Variants in ADD1 observed in about 807,000 individuals in gnomAD.
ADD1 encodes alpha-adducin.
A neutral mutation model predicts 80.5 loss-of-function variants in ADD1; 24 were observed. That is an observed-to-expected ratio of 0.30 (90% CI 0.22 to 0.42). The LOEUF is 0.42. ADD1 is among the 10% of genes least tolerant of loss of function. ADD1 has a pLI of 1.00. For synonymous variants in ADD1, 373 were observed against 393.8 expected, an observed-to-expected ratio of 0.95 and a Z score of 0.63; for missense variants, 948 against 1,019.0, an observed-to-expected ratio of 0.93 and a Z score of 0.95.
chr4:2,887,693 A>C (rs890651812), intron 4 of ADD1: 5 of 152,208 alleles, frequency 3.3e-5, no homozygotes, highest in African/African-American at 1.2e-4. Context: ...CCTGTGCTTC[A>C]GGGACGTGAT....
intron 1 of ADD1, among the ~76,000 whole-genome samples, chr4:2,875,095 G>A (rs986283264): frequency 2.0e-5 from 3 of 152,058 alleles, no homozygotes; most frequent in East Asian, 3.9e-4. Flanking sequence ...CGGGCATGGC[G>A]GTGCACGCTG....
intron 1 of ADD1, among the ~76,000 whole-genome samples, chr4:2,864,331 T>C (rs569375783): frequency 5.3e-5 from 8 of 152,286 alleles, no homozygotes; most frequent in African/African-American, 1.7e-4. Flanking sequence ...GAGAATTGCT[T>C]GAACCCGGGA....
chr4:2,891,590 AT>A (rs1370182950), intron 4 of ADD1, among the ~76,000 whole-genome samples: 1 of 152,170 alleles, frequency 6.6e-6, no homozygotes, highest in Non-Finnish European at 1.5e-5. Context: ...CCTAGCAATG[AT>A]TTAGTGTTGC....
At chr4:2,879,768 G>A (rs1036431841) in intron 2 of ADD1, among the ~76,000 whole-genome samples, 3 of 152,078 alleles carry the variant, frequency 2.0e-5, no homozygotes, top group South Asian at 2.1e-4. Context: ...GATTACAAGC[G>A]TGCACCACCA....
intron 13 of ADD1, among the ~76,000 whole-genome samples, chr4:2,910,333 T>C (rs1737820240): frequency 6.6e-6 from 1 of 152,012 alleles, no homozygotes; most frequent in Non-Finnish European, 1.5e-5. Flanking sequence ...TAGAAGCAGG[T>C]TTATAGCAAA....
chr4:2,894,603 G>T lies in ADD1; in HGVS notation c.613G>T (p.Asp205Tyr), dbSNP rs768557233. The T allele has an allele frequency of 1.9e-5, 30 of 1,608,586 alleles. No homozygotes were observed. The Admixed American group carries it at 4.7e-4, about 25-fold the overall frequency. The change falls in exon 6 of 16, where the codon GAT becomes TAT. Residue 205 changes from aspartate to tyrosine, a missense_variant. Coordinates refer to ENST00000683351, the MANE Select transcript of ADD1 (RefSeq NM_001354761.2). Reference protein sequence around the residue: ...SSLVKINLQGDIVDRGSTNLG... With the variant: ...SSLVKINLQGYIVDRGSTNLG... ...TCAGGTTAAGATCAATCTACAAGGA[G>T]ATATAGTAGATCGTGGAAGCACTAA... is the stretch of plus-strand genomic sequence containing the variant.
rs184095880 is a variant in ADD1, at chr4:2,845,978, A to G, written c.-21+1954A>G. ...TTTTCTCAACCAGTTTCAACAGTCA[A>G]TCTTGCTTCATCATATCCCCGCAGT... is the stretch of plus-strand genomic sequence containing the variant. On this transcript the variant is annotated intron_variant, in intron 1 of 15. Coordinates refer to ENST00000683351, the MANE Select transcript of ADD1 (RefSeq NM_001354761.2). Among the ~76,000 whole-genome samples, 15 of 152,312 alleles carry G rather than the reference A, an allele frequency of 9.8e-5. No individual in the cohort carries two copies. In the East Asian group the frequency reaches 1.7e-3, roughly 18 times the overall value.
In ADD1 at chr4:2,904,881, T is replaced by C; in HGVS notation, c.1279T>C (p.Ser427Pro). 2 of 1,614,124 alleles carry C rather than the reference T, an allele frequency of 1.2e-6. No homozygotes were observed. Among genetic ancestry groups the C allele is most frequent in the Non-Finnish European group, 1.7e-6 (2 of 1,180,024 alleles). ...TTACTCCTTTGCTAGTGACGGTGAT[T>C]CGGGCACTTGCTCCCCACTCAGACA... ...TGYSFASDGD[S>P]GTCSPLRHSF... The change falls in exon 10 of 16, where the codon TCG becomes CCG. Residue 427 changes from serine (S) to proline (P), a missense_variant. By Grantham distance (74) the Ser-to-Pro change is moderately conservative. Transcript: ENST00000683351.
intron 1 of ADD1, among the ~76,000 whole-genome samples, chr4:2,846,747 G>C (rs1271499235): frequency 1.3e-5 from 2 of 148,952 alleles, no homozygotes; most frequent in South Asian, 4.2e-4. Context: ...AAGATGGTAC[G>C]AACCTGTGAG....
intron 14 of ADD1, among the ~76,000 whole-genome samples, chr4:2,925,390 G>A (rs923435006): frequency 1.3e-5 from 2 of 152,196 alleles, no homozygotes; most frequent in South Asian, 4.1e-4. Flanking sequence ...TAAAGACAGA[G>A]ATGGAAGGAG....
At chr4:2,916,392 C>A (rs1300824687) in intron 14 of ADD1, among the ~76,000 whole-genome samples, 3 of 151,892 alleles carry the variant, frequency 2.0e-5, no homozygotes, top group Admixed American at 1.3e-4. Flanking sequence ...GATGGGGTTT[C>A]ACCATGTTGG....
chr4:2,896,834 C>CT (rs1410286281), intron 6 of ADD1, among the ~76,000 whole-genome samples: 2 of 152,224 alleles, frequency 1.3e-5, no homozygotes, highest in Non-Finnish European at 2.9e-5. Flanking sequence ...TCTTGGCTCA[C>CT]TGCAACTTGC....
At chr4:2,850,565 A>G (rs1726924504) in intron 1 of ADD1, among the ~76,000 whole-genome samples, 1 of 152,114 alleles carries the variant, frequency 6.6e-6, no homozygotes. Context: ...AGCTGGGACT[A>G]CAGGCGCCTG....
At chr4:2,905,366 A>G (rs779680499) in intron 10 of ADD1, 13 of 520,996 alleles carry the variant, frequency 2.5e-5, no homozygotes, top group South Asian at 1.3e-4. Flanking sequence ...AAAATATACA[A>G]TAATTTACAT....
At chr4:2,870,068 T>G (rs1376606964) in intron 1 of ADD1, among the ~76,000 whole-genome samples, 1 of 152,236 alleles carries the variant, frequency 6.6e-6, no homozygotes, top group East Asian at 1.9e-4. Context: ...ATGTTCCAGC[T>G]TTAGGGATTC....
chr4:2,910,918 A>G (rs570522352), intron 13 of ADD1, among the ~76,000 whole-genome samples: 4 of 151,972 alleles, frequency 2.6e-5, no homozygotes, highest in South Asian at 2.1e-4. Flanking sequence ...TGTTTTCTCT[A>G]CCTCCTTATA....
At chr4:2,887,641 G>A (rs979697266) in intron 4 of ADD1, 2 of 152,196 alleles carry the variant, frequency 1.3e-5, no homozygotes, top group Admixed American at 6.5e-5. Context: ...AGAATGCTAA[G>A]CCTCTGAGGT....
At chr4:2,875,230 C>G (rs1653603125) in intron 1 of ADD1, among the ~76,000 whole-genome samples, 1 of 151,990 alleles carries the variant, frequency 6.6e-6, no homozygotes, top group Admixed American at 6.6e-5. Context: ...CCCTGTTCCC[C>G]TCCCCCCGAG....
At chr4:2,875,086 G>A (rs570014004) in intron 1 of ADD1, among the ~76,000 whole-genome samples, 2 of 151,914 alleles carry the variant, frequency 1.3e-5, no homozygotes, top group Admixed American at 6.6e-5. Flanking sequence ...AAAATTCGCC[G>A]GGCATGGCGG....
Sources: allele counts gnomAD v4.1 joint callset (sites outside exome capture counted in the v4.1 genomes callset), GRCh38; gene constraint gnomAD v4.1.1; transcripts MANE v1.5; gene names NCBI Gene and HGNC (gene_info 2026-07-23, HGNC 2026-07-21).